TTC6: variants seen among roughly 807,000 people sequenced by gnomAD.
TTC6 encodes tetratricopeptide repeat protein 6.
In TTC6, 172 loss-of-function variants were observed where a neutral mutation model predicts 210.4. The ratio of observed to expected loss-of-function variants is 0.82; its 90% CI spans 0.72 to 0.93. The LOEUF (loss-of-function observed/expected upper bound fraction) is 0.93. Among genes scored for constraint, TTC6 ranks in the 40% least tolerant of loss-of-function variants. The probability of loss-of-function intolerance (pLI) is 0.00; values close to 1 mark genes in which losing one functional copy is unlikely to be tolerated. For missense variants in TTC6, 2,414 were observed against 2,318.1 expected, an observed-to-expected ratio of 1.04 and a Z score of -0.85; for synonymous variants, 804 against 819.6, an observed-to-expected ratio of 0.98 and a Z score of 0.32.
At chr14:37,833,473 C>G (rs1196528742) in intron 29 of TTC6, among the ~76,000 whole-genome samples, 1 of 152,076 alleles carries the variant, frequency 6.6e-6, no homozygotes, top group Non-Finnish European at 1.5e-5. Flanking sequence ...CATCTCTTAA[C>G]TCTCAGTCAT....
At chr14:37,749,235 A>G (rs1566929021) in exon 11 of TTC6, 3 of 1,529,302 alleles carry the variant, frequency 2.0e-6, no homozygotes, top group Non-Finnish European at 2.6e-6. Flanking sequence ...GATTATGTGG[A>G]GTCTGATCTT....
At chr14:37,712,470 A>G (rs572979953) in intron 5 of TTC6, among the ~76,000 whole-genome samples, 5 of 152,344 alleles carry the variant, frequency 3.3e-5, no homozygotes, top group Admixed American at 2.0e-4. Context: ...TTCGGAAAAC[A>G]GAAACATCTT....
chr14:37,626,517 T>C (rs2095660558), intron 1 of TTC6, among the ~76,000 whole-genome samples: 1 of 152,216 alleles, frequency 6.6e-6, no homozygotes, highest in African/African-American at 2.4e-5. Flanking sequence ...CCTTTTTCTC[T>C]ATTCTTCCTG....
intron 5 of TTC6, among the ~76,000 whole-genome samples, chr14:37,703,855 G>A (rs1345167267): frequency 6.6e-6 from 1 of 152,108 alleles, no homozygotes; most frequent in African/African-American, 2.4e-5. Context: ...GAAGTTTGTA[G>A]ACATTTAGTT....
rs1327100161 is a variant in TTC6, at chr14:37,696,822, A to T, written c.1363A>T (p.Lys455Ter). The T allele has an allele frequency of 2.2e-6, 3 of 1,358,966 alleles. No individual in the cohort carries two copies. The highest frequency in any genetic ancestry group is 2.9e-6 in the Non-Finnish European group (3 of 1,046,992). The allele number at this position is 1,358,966 out of a possible 1,614,324, so 84.2% of individuals were successfully genotyped here. A position where few individuals can be genotyped will look rare whatever the true frequency, so the allele number is the denominator to read the frequency against. The change falls in exon 4 of 31, where the codon AAA (lysine) becomes TAA (stop). Residue 455 changes from lysine to a stop codon, truncating the protein, a stop_gained. Transcript: ENST00000553443. LOFTEE classifies it high-confidence loss of function. ...GTCTTCAAAACCTCTTTGTGATAAA[A>T]AACTACATAAAAAGTAATTTTCTTA...
chr14:37,802,618 A>G (rs1485895197), intron 20 of TTC6, among the ~76,000 whole-genome samples: 1 of 152,132 alleles, frequency 6.6e-6, no homozygotes, highest in African/African-American at 2.4e-5. Context: ...GAGATGATAA[A>G]TGCATGTTAC....
chr14:37,759,622 A>T (rs2095978132), intron 14 of TTC6, among the ~76,000 whole-genome samples: 1 of 152,084 alleles, frequency 6.6e-6, no homozygotes, highest in South Asian at 2.1e-4. Flanking sequence ...TCTCCCTGTT[A>T]CTTCCAGGTA....
At chr14:37,629,794 T>G (rs866281522) in intron 1 of TTC6, among the ~76,000 whole-genome samples, 1 of 152,190 alleles carries the variant, frequency 6.6e-6, no homozygotes, top group African/African-American at 2.4e-5. Context: ...AATACCTAGT[T>G]TATAGAGCAT....
At chr14:37,811,493 A>C (rs781128032) in intron 24 of TTC6, among the ~76,000 whole-genome samples, 1 of 152,212 alleles carries the variant, frequency 6.6e-6, no homozygotes, top group Admixed American at 6.5e-5. Flanking sequence ...TGCTACAGGC[A>C]TAATAAGATT....
intron 14 of TTC6, among the ~76,000 whole-genome samples, chr14:37,777,195 C>G (rs1370318435): frequency 6.6e-6 from 1 of 152,172 alleles, no homozygotes; most frequent in Non-Finnish European, 1.5e-5. Flanking sequence ...ATAAATTTTC[C>G]AAGTTCCTTG....
At chr14:37,680,082 A>G in intron 1 of TTC6, 69 bp from the exon 4 acceptor site, 2 of 832,814 alleles carry the variant, frequency 2.4e-6, no homozygotes, top group Non-Finnish European at 3.7e-6. Flanking sequence ...CTAGCATTTT[A>G]GTATAATGAA....
At chr14:37,656,071 G>A (rs1319105827) in intron 1 of TTC6, among the ~76,000 whole-genome samples, 4 of 152,106 alleles carry the variant, frequency 2.6e-5, no homozygotes, top group African/African-American at 9.7e-5. Flanking sequence ...AGCTGGTTAG[G>A]ATTTTTTTGG....
At chr14:37,737,048 G>A (rs2095903552) in intron 8 of TTC6, among the ~76,000 whole-genome samples, 1 of 152,086 alleles carries the variant, frequency 6.6e-6, no homozygotes, top group African/African-American at 2.4e-5. Context: ...GTAAGCCACT[G>A]GATCTGGTCT....
At chr14:37,627,503 T>C in intron 1 of TTC6, among the ~76,000 whole-genome samples, 1 of 151,340 alleles carries the variant, frequency 6.6e-6, no homozygotes, top group South Asian at 2.1e-4. Flanking sequence ...CTTCCCTGTG[T>C]CCATGTGTTC....
chr14:37,835,342 G>A (rs1359095251), intron 29 of TTC6, among the ~76,000 whole-genome samples: 1 of 151,956 alleles, frequency 6.6e-6, no homozygotes, highest in Non-Finnish European at 1.5e-5. Context: ...TTTTGTGTGT[G>A]TGTCTTTAAG....
intron 25 of TTC6, among the ~76,000 whole-genome samples, chr14:37,815,460 G>T (rs1376010311): frequency 6.6e-6 from 1 of 152,138 alleles, no homozygotes; most frequent in Non-Finnish European, 1.5e-5. Flanking sequence ...TCACAATAGG[G>T]TTTGCACTCC....
rs1222592674 is a variant in TTC6, at chr14:37,749,285, A to G, written c.2710A>G (p.Ile904Val). ...TAAATATTATGAATCTGAAGTGAAG[A>G]TTTTGACTGAAGAAATAAATGATAA... The change falls in exon 11 of 31, where the codon ATT becomes GTT. Residue 904 changes from isoleucine to valine, a missense_variant. Ile to Val is a conservative substitution (Grantham distance 29). Coordinates refer to ENST00000553443, the Ensembl canonical transcript of TTC6. The G allele has an allele frequency of 5.9e-6, 9 of 1,523,662 alleles. No homozygotes were observed. In the East Asian group the frequency reaches 1.7e-4, roughly 29 times the overall value. 94.4% of individuals were successfully genotyped at this position (1,523,662 alleles called of 1,614,324 possible).
chr14:37,830,219 A>G (rs1341869602), intron 29 of TTC6, among the ~76,000 whole-genome samples: 1 of 152,114 alleles, frequency 6.6e-6, no homozygotes, highest in African/African-American at 2.4e-5. Context: ...GCATGATGCA[A>G]AACGGATTTT....
chr14:37,690,547 C>T (rs1400020743), intron 3 of TTC6, among the ~76,000 whole-genome samples: 1 of 151,810 alleles, frequency 6.6e-6, no homozygotes, highest in Admixed American at 6.6e-5. Context: ...ATATTCCATG[C>T]CAATGGAAAC....
Sources: allele counts gnomAD v4.1 joint callset (sites outside exome capture counted in the v4.1 genomes callset), GRCh38; gene constraint gnomAD v4.1.1; transcripts MANE v1.5; gene names NCBI Gene and HGNC (gene_info 2026-07-23, HGNC 2026-07-21).